Variants in PDZD2 observed in about 807,000 individuals in gnomAD.
PDZD2 encodes the protein PDZ domain containing 2, also known as PDZ domain-containing protein 2.
A neutral mutation model predicts 220.7 loss-of-function variants in PDZD2; 90 were observed. The ratio of observed to expected loss-of-function variants is 0.41; its 90% CI spans 0.34 to 0.49. The LOEUF (loss-of-function observed/expected upper bound fraction) is 0.49. PDZD2 is among the 20% of genes least tolerant of loss of function. The probability of loss-of-function intolerance (pLI) is 0.28; values close to 1 mark genes in which losing one functional copy is unlikely to be tolerated. For synonymous variants in PDZD2, 1,375 were observed against 1,450.5 expected (o/e 0.95, Z 1.18); for missense variants, 3,174 against 3,608.5 (o/e 0.88, Z 3.08).
chr5:31,893,783 T>C (rs1377623508), intron 2 of PDZD2, among the ~76,000 whole-genome samples: 2 of 152,222 alleles, frequency 1.3e-5, no homozygotes, highest in African/African-American at 4.8e-5. Context: ...GTGCTACAGT[T>C]ACTAAAAATT....
chr5:32,062,195 T>C (rs1252059472), intron 14 of PDZD2, among the ~76,000 whole-genome samples: 1 of 152,218 alleles, frequency 6.6e-6, no homozygotes, highest in African/African-American at 2.4e-5. Flanking sequence ...TTCAAATAAA[T>C]GAAAATAAGA....
intron 2 of PDZD2, among the ~76,000 whole-genome samples, chr5:31,956,719 A>C (rs960319547): frequency 3.0e-5 from 4 of 131,188 alleles, no homozygotes; most frequent in African/African-American, 1.2e-4. Context: ...AGATTGCGCC[A>C]CTGCACTCCA....
chr5:31,753,050 T>G (rs1219994854), intron 1 of PDZD2, among the ~76,000 whole-genome samples: 3 of 152,334 alleles, frequency 2.0e-5, no homozygotes, highest in Non-Finnish European at 4.4e-5. Context: ...ATGATTGGTA[T>G]TTTCAGCAGC....
chr5:32,034,647 C>T (rs542122030), intron 6 of PDZD2, among the ~76,000 whole-genome samples: 4 of 152,246 alleles, frequency 2.6e-5, no homozygotes, highest in Admixed American at 2.0e-4. Context: ...TGAGCCATCA[C>T]GCCCAGCTGG....
Position 31,912,204 on chromosome 5 carries a change from T to G in PDZD2, c.477-70951T>G, listed in dbSNP as rs199724816. Among the ~76,000 whole-genome samples, 12 of 152,348 alleles carry G rather than the reference T, an allele frequency of 7.9e-5. No homozygotes were observed. The East Asian group carries it at 2.3e-3, about 29-fold the overall frequency. On this transcript the variant is annotated intron_variant, in intron 2 of 24. Transcript: ENST00000438447. Reference sequence around the variant, plus strand: ...GCTGGGAAGTCCAAGATCCAGGTATTAGCTGATTCAGTGTCTGGTGAGGGT... The same window carrying G: ...GCTGGGAAGTCCAAGATCCAGGTATGAGCTGATTCAGTGTCTGGTGAGGGT...
intron 18 of PDZD2, among the ~76,000 whole-genome samples, chr5:32,076,350 G>A (rs1414757803): frequency 6.6e-6 from 1 of 150,644 alleles, no homozygotes; most frequent in East Asian, 1.9e-4. Context: ...GGCAAATTAG[G>A]GTTTTTATTC....
intron 2 of PDZD2, among the ~76,000 whole-genome samples, chr5:31,872,937 T>G (rs866855891): frequency 6.6e-6 from 1 of 152,124 alleles, no homozygotes; most frequent in Non-Finnish European, 1.5e-5. Context: ...GTAGGGGAGA[T>G]GATTGATAGT....
At position 31,778,233 on chromosome 5, in the gene PDZD2, C is replaced by T. The variant is rs142541627; in HGVS notation, c.-360-20656C>T. 5.1e-4 allele frequency among the ~76,000 whole-genome samples: 78 copies of T among 152,306 alleles called. No homozygotes were observed. The East Asian group carries it at 0.011, about 22-fold the overall frequency. On this transcript the variant is annotated intron_variant, in intron 1 of 24. Coordinates refer to ENST00000438447, the MANE Select transcript of PDZD2 (RefSeq NM_178140.4). The stretch of plus-strand genomic sequence containing the variant: ...CTGTCAAAACGGACCAATCAGCTCT[C>T]TGTAAAATGGACCATTCAGCAGGAT...
At chr5:31,813,699 A>G (rs2150246257) in intron 2 of PDZD2, among the ~76,000 whole-genome samples, 1 of 152,364 alleles carries the variant, frequency 6.6e-6, no homozygotes, top group South Asian at 2.1e-4. Flanking sequence ...GGAAAACAAT[A>G]TAGCTGCAAA....
Position 32,027,202 on chromosome 5 carries a change from C to A in PDZD2, c.1408-10029C>A, listed in dbSNP as rs181340867. 8.2e-3 allele frequency among the ~76,000 whole-genome samples: 1,241 copies of A among 152,250 alleles called. 16 individuals carry two copies. The highest frequency in any genetic ancestry group is 0.029 in the African/African-American group (1,188 of 41,528). ...TACAGGCGTGAGCCACCATGCCTGG[C>A]CCCCCTGTTATTTTCAAAGAGCTGA... On this transcript the variant is annotated intron_variant, in intron 6 of 24. Transcript: ENST00000438447.
At chr5:32,104,716 T>TAAAAAAAA (rs755177769) in intron 24 of PDZD2, among the ~76,000 whole-genome samples, 3 of 30,098 alleles carry the variant, frequency 1.0e-4, no homozygotes, top group Non-Finnish European at 2.3e-4. Flanking sequence ...AGGCTCCATC[T>TAAAAAAAA]AAAAAAAAAA....
At chr5:31,695,380 A>G (rs1385077984) in intron 1 of PDZD2, among the ~76,000 whole-genome samples, 1 of 152,220 alleles carries the variant, frequency 6.6e-6, no homozygotes, top group African/African-American at 2.4e-5. Context: ...ATGCCAGAAA[A>G]TCTAGGTTGA....
At chr5:31,689,290 C>CAT (rs72431052) in intron 1 of PDZD2, among the ~76,000 whole-genome samples, 44,218 of 94,950 alleles carry the variant, frequency 0.47, 8,107 homozygotes, top group East Asian at 0.59. Context: ...TATATACATA[C>CAT]ATATACATAT....
chr5:31,800,915 C>T (rs184019630), intron 2 of PDZD2, among the ~76,000 whole-genome samples: 191 of 152,316 alleles, frequency 1.3e-3, no homozygotes, highest in Non-Finnish European at 2.1e-3. Flanking sequence ...CAAGGAGACT[C>T]TGCAAGGAGA....
intron 5 of PDZD2, among the ~76,000 whole-genome samples, chr5:32,005,525 C>CAA (rs397728983): frequency 0.058 from 7,582 of 131,580 alleles, 638 homozygotes; most frequent in African/African-American, 0.19. Flanking sequence ...GTAGACAACC[C>CAA]AAAAAAAAAA....
chr5:31,955,324 G>A (rs1747566062), intron 2 of PDZD2, among the ~76,000 whole-genome samples: 1 of 151,090 alleles, frequency 6.6e-6, no homozygotes, highest in South Asian at 2.1e-4. Flanking sequence ...TTTTCGAGAC[G>A]AAGTCTTGCT....
intron 2 of PDZD2, among the ~76,000 whole-genome samples, chr5:31,804,918 G>A (rs1303725798): frequency 6.6e-6 from 1 of 152,328 alleles, no homozygotes; most frequent in East Asian, 1.9e-4. Context: ...GCCCGGTCAG[G>A]CGTGGTGGCT....
intron 2 of PDZD2, chr5:31,855,019 CG>C (rs965884201): frequency 1.0e-6 from 1 of 985,328 alleles, no homozygotes; most frequent in Non-Finnish European, 1.2e-6. Context: ...CCCAGGCCCC[CG>C]GGCCGCCTGC....
At chr5:32,010,674 G>GA (rs201905215) in intron 6 of PDZD2, 192 bp downstream of exon 6, 25 of 650,958 alleles carry the variant, frequency 3.8e-5, no homozygotes, top group Admixed American at 1.0e-4. Context: ...TTCCTTTAAG[G>GA]AAAAAAAATG....
Sources: allele counts gnomAD v4.1 joint callset (sites outside exome capture counted in the v4.1 genomes callset), GRCh38; gene constraint gnomAD v4.1.1; transcripts MANE v1.5; gene names NCBI Gene and HGNC (gene_info 2026-07-23, HGNC 2026-07-21).